Variants in ZFYVE28 observed in about 807,000 individuals in gnomAD.
ZFYVE28 encodes zinc finger FYVE-type containing 28, also known as lateral signaling target protein 2 homolog.
ZFYVE28 carries 40 observed loss-of-function variants against 82.1 expected under a neutral mutation model. The observed-to-expected ratio is 0.49, with a 90% CI of 0.38 to 0.63. The LOEUF (loss-of-function observed/expected upper bound fraction) is 0.63. Among genes scored for constraint, ZFYVE28 ranks in the 30% least tolerant of loss-of-function variants. ZFYVE28 has a pLI of 0.00. For synonymous variants in ZFYVE28, 612 were observed against 546.1 expected (o/e 1.12, Z -1.68); for missense variants, 1,321 against 1,242.1 (o/e 1.06, Z -0.96).
At chr4:2,405,067 TAAC>T (rs1731716387) in intron 1 of ZFYVE28, among the ~76,000 whole-genome samples, 2 of 151,988 alleles carry the variant, frequency 1.3e-5, no homozygotes, top group Non-Finnish European at 2.9e-5. Context: ...AATATATATA[TAAC>T]AACAAAAATG....
intron 6 of ZFYVE28, chr4:2,330,542 A>G: frequency 1.7e-6 from 2 of 1,158,682 alleles, no homozygotes; most frequent in East Asian, 6.2e-5. Flanking sequence ...AAGGGACAGC[A>G]TGGAGGAGGG....
intron 1 of ZFYVE28, among the ~76,000 whole-genome samples, chr4:2,413,674 T>C (rs10031150): frequency 0.14 from 21,039 of 152,292 alleles, 1,846 homozygotes; most frequent in East Asian, 0.34. Flanking sequence ...GTTTATCAGC[T>C]GAAAACGAAT....
At chr4:2,309,257 T>C (rs777780530) in intron 7 of ZFYVE28, among the ~76,000 whole-genome samples, 4 of 152,190 alleles carry the variant, frequency 2.6e-5, no homozygotes, top group South Asian at 2.1e-4. Context: ...TGCCACGTTA[T>C]GACAGAGCAC....
intron 7 of ZFYVE28, among the ~76,000 whole-genome samples, chr4:2,308,692 G>GAAAGAA (rs1560182622): frequency 2.1e-5 from 2 of 96,444 alleles, no homozygotes; most frequent in East Asian, 7.0e-4. Flanking sequence ...AGAAAGAAAA[G>GAAAGAA]AAAAGAAAAG....
intron 7 of ZFYVE28, among the ~76,000 whole-genome samples, chr4:2,305,857 A>G (rs947448236): frequency 2.6e-5 from 4 of 152,166 alleles, no homozygotes; most frequent in Admixed American, 2.6e-4. Context: ...ATGAATAAAA[A>G]CTCTAAGGAG....
rs117963766 is a variant in ZFYVE28, at chr4:2,351,697, G to C, written c.180+2236C>G. 2.7e-3 allele frequency among the ~76,000 whole-genome samples: 417 copies of C among 152,270 alleles called. 7 individuals are homozygous for C. The East Asian group carries it at 0.062, about 23-fold the overall frequency. On this transcript the variant is annotated intron_variant, in intron 2 of 12. Coordinates refer to ENST00000290974, the MANE Select transcript of ZFYVE28 (RefSeq NM_020972.3). ...TGACTGCACTCCAGCCTGGGCGAGA[G>C]AGTGAGACCCCACAGGGTGAGGGCT...
At chr4:2,276,079 C>T (rs1192943222) in intron 8 of ZFYVE28, among the ~76,000 whole-genome samples, 5 of 152,274 alleles carry the variant, frequency 3.3e-5, no homozygotes, top group Non-Finnish European at 7.3e-5. Flanking sequence ...AGCCTCGTGA[C>T]GTAAACCCTG....
intron 1 of ZFYVE28, among the ~76,000 whole-genome samples, chr4:2,406,232 T>A (rs1320129675): frequency 6.7e-6 from 1 of 149,806 alleles, no homozygotes; most frequent in Non-Finnish European, 1.5e-5. Flanking sequence ...ATTAGCTGGG[T>A]GTGGTGGTGC....
At chr4:2,279,743 T>C (rs1356424386) in intron 8 of ZFYVE28, among the ~76,000 whole-genome samples, 4 of 150,088 alleles carry the variant, frequency 2.7e-5, no homozygotes, top group Admixed American at 2.0e-4. Flanking sequence ...ATCATGCCAC[T>C]GCACTCCAGC....
intron 7 of ZFYVE28, among the ~76,000 whole-genome samples, chr4:2,318,782 G>T (rs538787425): frequency 6.6e-6 from 1 of 152,208 alleles, no homozygotes; most frequent in Admixed American, 6.5e-5. Context: ...ACTCATACCT[G>T]TAATCCCAAC....
chr4:2,337,602 G>A, intron 4 of ZFYVE28, 106 bp from the exon 5 acceptor site: 3 of 838,054 alleles, frequency 3.6e-6, no homozygotes, highest in East Asian at 2.9e-5. Context: ...TGGGCAAGGT[G>A]GGGGCGGGGG....
chr4:2,309,798 T>C, intron 7 of ZFYVE28, among the ~76,000 whole-genome samples: 1 of 152,214 alleles, frequency 6.6e-6, no homozygotes, highest in South Asian at 2.1e-4. Flanking sequence ...TCTATATCTA[T>C]CTGTGACCAG....
chr4:2,344,582 T>C (rs1161200429), intron 2 of ZFYVE28, among the ~76,000 whole-genome samples: 1 of 152,214 alleles, frequency 6.6e-6, no homozygotes, highest in Non-Finnish European at 1.5e-5. Context: ...AAATTCACTA[T>C]GTCAGGTACC....
intron 8 of ZFYVE28, among the ~76,000 whole-genome samples, chr4:2,281,701 C>G (rs373180813): frequency 4.6e-5 from 7 of 152,354 alleles, no homozygotes; most frequent in African/African-American, 1.7e-4. Flanking sequence ...AACTTTGGGG[C>G]ACACATTCAA....
chr4:2,338,165 T>A (rs1445983989), intron 4 of ZFYVE28, among the ~76,000 whole-genome samples: 1 of 152,230 alleles, frequency 6.6e-6, no homozygotes, highest in African/African-American at 2.4e-5. Context: ...CCTCCGCACG[T>A]GGACCTCCAC....
chr4:2,317,722 T>C (rs116061093), intron 7 of ZFYVE28, among the ~76,000 whole-genome samples: 3,472 of 152,206 alleles, frequency 0.023, 125 homozygotes, highest in African/African-American at 0.08. Flanking sequence ...AAATTCCGCC[T>C]CCCAGATTCA....
At position 2,417,248 on chromosome 4, in the gene ZFYVE28, C is replaced by T. The variant is rs1250162321; in HGVS notation, c.39+1037G>A. 6.6e-6 allele frequency among the ~76,000 whole-genome samples: 1 copy of T among 152,186 alleles called. No homozygotes were observed. The highest frequency in any genetic ancestry group is 1.5e-5 in the Non-Finnish European group (1 of 68,022). ...CCAAGATCTCAGGGCCCGGGCCTCC[C>T]CGCTGCGCCGGCCCCAGGGTGCCAC... On this transcript the variant is annotated intron_variant, in intron 1 of 12. Transcript: ENST00000290974. The surrounding 1 kb of genome is among the most constrained non-coding windows in gnomAD (Gnocchi z 4.8).
intron 1 of ZFYVE28, among the ~76,000 whole-genome samples, chr4:2,397,732 C>T (rs560148074): frequency 2.0e-5 from 3 of 152,094 alleles, no homozygotes; most frequent in South Asian, 2.1e-4. Flanking sequence ...TCATCCATGC[C>T]GTAGTATGTG....
At chr4:2,316,320 A>G (rs1718203125) in intron 7 of ZFYVE28, 1 of 152,300 alleles carries the variant, frequency 6.6e-6, no homozygotes, top group African/African-American at 2.4e-5. Flanking sequence ...TGACCTGGGC[A>G]GGTTCACCAC....
Sources: gnomAD v4.1 joint callset for allele counts (sites outside exome capture counted in the v4.1 genomes callset) on GRCh38, gnomAD v4.1.1 for gene constraint, Gnocchi (gnomAD v3.1) non-coding constraint, MANE v1.5 for transcripts, NCBI Gene and HGNC (gene_info 2026-07-23, HGNC 2026-07-21) for gene names.